The following ARHGAP29 variants were observed in gnomAD, a reference collection of about 807,000 sequenced individuals.
ARHGAP29 encodes the protein Rho GTPase activating protein 29, also known as rho GTPase-activating protein 29.
ARHGAP29 carries 43 observed loss-of-function variants against 122.6 expected under a neutral mutation model. The observed-to-expected ratio is 0.35, with a 90% CI of 0.27 to 0.45. The LOEUF is 0.45. Among genes scored for constraint, ARHGAP29 ranks in the 20% least tolerant of loss-of-function variants. ARHGAP29 has a pLI of 1.00. For synonymous variants in ARHGAP29, 506 were observed against 497.1 expected (o/e 1.02, Z -0.24); for missense variants, 1,303 against 1,477.2 (o/e 0.88, Z 1.93).
chr1:94,303,132 T>G, the ARHGAP29 span: 1 of 152,712 alleles, frequency 6.5e-6, no homozygotes, highest in African/African-American at 2.4e-5. Flanking sequence ...AGAATCAACC[T>G]TCCTCATTGT....
intron 4 of ARHGAP29, 51 bp downstream of exon 4, chr1:94,209,203 C>G (rs376090548): frequency 2.7e-5 from 35 of 1,279,066 alleles, no homozygotes; most frequent in Non-Finnish European, 3.4e-5. Flanking sequence ...GCAACATACT[C>G]TCACTAAGAC....
At chr1:94,254,297 T>G (rs17111259) in intron 1 of ARHGAP29, among the ~76,000 whole-genome samples, 2 of 152,190 alleles carry the variant, frequency 1.3e-5, no homozygotes, top group South Asian at 4.1e-4. Context: ...GGGAGCTACA[T>G]GGTACTAGAA....
intron 19 of ARHGAP29, among the ~76,000 whole-genome samples, chr1:94,182,839 A>G (rs1197591749): frequency 6.6e-6 from 1 of 151,970 alleles, no homozygotes; most frequent in East Asian, 1.9e-4. Context: ...AACAAAACAA[A>G]ACAAAACAAA....
At chr1:94,230,992 A>C (rs1301570913) in intron 2 of ARHGAP29, among the ~76,000 whole-genome samples, 1 of 151,970 alleles carries the variant, frequency 6.6e-6, no homozygotes, top group Non-Finnish European at 1.5e-5. Flanking sequence ...TAGATACCAA[A>C]ACTTCATCTA....
At chr1:94,255,008 A>G in intron 1 of ARHGAP29, among the ~76,000 whole-genome samples, 1 of 152,230 alleles carries the variant, frequency 6.6e-6, no homozygotes, top group East Asian at 1.9e-4. Flanking sequence ...TTTCTTGAGA[A>G]CAAAGTAGAC....
intron 3 of ARHGAP29, among the ~76,000 whole-genome samples, chr1:94,217,752 G>A (rs981767115): frequency 2.6e-5 from 4 of 152,056 alleles, no homozygotes; most frequent in Non-Finnish European, 4.4e-5. Context: ...GAGACACTGA[G>A]GTGGGAGGAT....
chr1:94,237,120 T>C (rs1282201878), intron 1 of ARHGAP29, among the ~76,000 whole-genome samples: 1 of 152,184 alleles, frequency 6.6e-6, no homozygotes, highest in Non-Finnish European at 1.5e-5. Context: ...ACGCGCTGTG[T>C]GCTAACTTTA....
At chr1:94,180,016 T>A in intron 19 of ARHGAP29, 59 bp from the exon 20 acceptor site, 1 of 1,139,306 alleles carries the variant, frequency 8.8e-7, no homozygotes, top group Non-Finnish European at 1.2e-6. Flanking sequence ...AATAATCAAC[T>A]ATTACTAACA....
intron 20 of ARHGAP29, 78 bp downstream of exon 20, chr1:94,179,647 G>A (rs1570486496): frequency 4.4e-6 from 2 of 453,610 alleles, no homozygotes; most frequent in Non-Finnish European, 7.7e-6. Context: ...ATTTTGTTAT[G>A]TGGATTTTAC....
At chr1:94,291,792 T>C in the ARHGAP29 span, among the ~76,000 whole-genome samples, 4 of 152,236 alleles carry the variant, frequency 2.6e-5, no homozygotes, top group African/African-American at 9.6e-5. Context: ...CACTCTCTTC[T>C]GACTTGTAGG....
intron 1 of ARHGAP29, among the ~76,000 whole-genome samples, chr1:94,252,686 C>T (rs1411936920): frequency 6.6e-6 from 1 of 151,572 alleles, no homozygotes; most frequent in African/African-American, 2.4e-5. Flanking sequence ...TCCCCATGGC[C>T]TCGTAAGTAT....
intron 11 of ARHGAP29, chr1:94,202,144 T>C (rs1389312124): frequency 2.3e-6 from 1 of 435,222 alleles, no homozygotes; most frequent in African/African-American, 2.0e-5. Context: ...ACAGAATTTG[T>C]TCGTAAAATT....
intron 3 of ARHGAP29, among the ~76,000 whole-genome samples, chr1:94,215,104 G>GAAAAAAAAAAAAAAAAAAAA (rs199693229): frequency 4.8e-5 from 4 of 83,530 alleles, no homozygotes; most frequent in African/African-American, 1.1e-4. Flanking sequence ...GCATGAAAAG[G>GAAAAAAAAAAAAAAAAAAAA]AAAAAAAAAA....
rs971985804 is a variant in ARHGAP29 at position 94,202,623 on chromosome 1, G to A, written c.1064C>T (p.Ser355Phe). ...ATTTTTTGCTAATCCGCCACTTGAAGACAGATGCTCCTCTTCTGCACGAAA... is the reference window on the plus strand; with the variant it reads ...ATTTTTTGCTAATCCGCCACTTGAAAACAGATGCTCCTCTTCTGCACGAAA... ...SMFRAEEEHL[S>F]SSGGLAKNLN... Residue 355 changes from serine to phenylalanine, a missense_variant, in exon 11 of 23, where the codon TCT becomes TTT. Physicochemically the swap from Ser to Phe is radical, Grantham distance 155 (BLOSUM62 -2). This residue lies in a region of ARHGAP29 where 592 missense variants were observed against 648.2 expected (regional missense o/e 0.91). Coordinates refer to ENST00000260526, the MANE Select transcript of ARHGAP29 (RefSeq NM_004815.4). 6.2e-7 allele frequency: 1 copy of A among 1,614,156 alleles called. No individual in the cohort carries two copies. The highest frequency in any genetic ancestry group is 8.5e-7 in the Non-Finnish European group (1 of 1,180,024).
At position 94,173,756 on chromosome 1, in the gene ARHGAP29, A is replaced by G. The variant is rs1380569378; in HGVS notation, c.*113T>C. 1.5e-6 allele frequency: 2 copies of G among 1,328,052 alleles called. No individual in the cohort carries two copies. The highest frequency in any genetic ancestry group is 4.7e-5 in the East Asian group (2 of 43,010). The allele number at this position is 1,328,052 out of a possible 1,614,324, so 82.3% of individuals were successfully genotyped here. A position where few individuals can be genotyped will look rare whatever the true frequency, so the allele number is the denominator to read the frequency against. On this transcript the variant is annotated 3_prime_UTR_variant, in exon 23 of 23. Coordinates refer to ENST00000260526, the MANE Select transcript of ARHGAP29 (RefSeq NM_004815.4). Reference sequence around the variant, plus strand: ...AATACAACAACAAAAGGCAAAACCCATGATTTGGCAGTCCTATACAAAAGA... The same window carrying G: ...AATACAACAACAAAAGGCAAAACCCGTGATTTGGCAGTCCTATACAAAAGA...
chr1:94,213,681 G>A (rs1031321856), intron 3 of ARHGAP29, among the ~76,000 whole-genome samples: 2 of 152,186 alleles, frequency 1.3e-5, no homozygotes, highest in East Asian at 1.9e-4. Flanking sequence ...GATGGGTTCC[G>A]AAGTCAGTCT....
Position 94,172,103 on chromosome 1 carries a change from A to G in ARHGAP29, c.*1766T>C, listed in dbSNP as rs1352122886. The G allele has an allele frequency of 1.3e-5, 2 of 152,214 alleles. No individual in the cohort carries two copies. Among genetic ancestry groups the G allele is most frequent in the Non-Finnish European group, 2.9e-5 (2 of 68,030 alleles). 9.4% of individuals were successfully genotyped at this position (152,214 alleles called of 1,614,324 possible). A position where few individuals can be genotyped will look rare whatever the true frequency, so the allele number is the denominator to read the frequency against. The stretch of plus-strand genomic sequence containing the variant: ...ACAGTCATTAAGAGCACTAACCATC[A>G]AAATCTGACAGCCCTATGTTTGAGA... On this transcript the variant is annotated 3_prime_UTR_variant, in exon 23 of 23. Transcript: ENST00000260526.
intron 1 of ARHGAP29, among the ~76,000 whole-genome samples, chr1:94,233,698 C>T (rs1401260621): frequency 1.5e-4 from 23 of 152,170 alleles, no homozygotes; most frequent in Admixed American, 1.5e-3. Flanking sequence ...ATTCTTCCAA[C>T]AGTATTTGTT....
intron 1 of ARHGAP29, 39 bp from the exon 2 acceptor site, chr1:94,231,682 G>T: frequency 6.8e-7 from 1 of 1,475,562 alleles, no homozygotes; most frequent in Non-Finnish European, 9.2e-7. Flanking sequence ...CAAGCGAGGA[G>T]AGAGAAAGAA....
Sources: allele counts gnomAD v4.1 joint callset (sites outside exome capture counted in the v4.1 genomes callset), GRCh38; gene constraint gnomAD v4.1.1; regional missense constraint gnomAD v4.1.1; transcripts MANE v1.5; gene names NCBI Gene and HGNC (gene_info 2026-07-23, HGNC 2026-07-21).